Variants in ENGASE observed in about 807,000 individuals in gnomAD.
The protein encoded by ENGASE is endo-beta-N-acetylglucosaminidase, also known as cytosolic endo-beta-N-acetylglucosaminidase.
Under a neutral mutation model 78.5 loss-of-function variants are expected in ENGASE, and 69 were observed. That is an observed-to-expected ratio of 0.88 (90% CI 0.72 to 1.07). ENGASE has a LOEUF of 1.07. Among genes scored for constraint, ENGASE ranks in the 50% least tolerant of loss-of-function variants. ENGASE has a pLI of 0.00. For synonymous variants in ENGASE, 408 were observed against 408.9 expected (o/e 1.00, Z 0.03); for missense variants, 943 against 988.4 (o/e 0.95, Z 0.62).
rs1568096396 is a variant in ENGASE at position 79,086,466 on chromosome 17, CG to C, written c.*121del. 7.6e-7 allele frequency: 1 copy of C among 1,320,628 alleles called. No individual in the cohort carries two copies. Among genetic ancestry groups the C allele is most frequent in the Non-Finnish European group, 1.0e-6 (1 of 991,338 alleles). 81.8% of individuals were successfully genotyped at this position (1,320,628 alleles called of 1,614,324 possible). A position where few individuals can be genotyped will look rare whatever the true frequency, so the allele number is the denominator to read the frequency against. ...CACAGTGGCAGCGAGGTCCCGGTCC[CG>C]GGGCTGGGGTGGGAGACCCCGGGCT... On this transcript the variant is annotated 3_prime_UTR_variant, in exon 14 of 14. Transcript: ENST00000579016.
At position 79,083,968 on chromosome 17, in the gene ENGASE, G is replaced by A; in HGVS notation, c.1442+17G>A. On this transcript the variant is annotated intron_variant, in intron 10 of 13. Transcript: ENST00000579016. This position sits in a 1 kb window ranked among gnomAD's most constrained non-coding sequence, Gnocchi z 4.9. ...GGCTGTGAGGTGGGTGAGTGACGGA[G>A]GACGGTGGGCCCACCAGCTTCTCCC... 1 of 1,605,076 alleles carries A rather than the reference G, an allele frequency of 6.2e-7. No individual in the cohort carries two copies. The highest frequency in any genetic ancestry group is 8.5e-7 in the Non-Finnish European group (1 of 1,177,266).
At chr17:79,075,804 AGGCT>A in intron 1 of ENGASE, 1 of 985,462 alleles carries the variant, frequency 1.0e-6, no homozygotes, top group Non-Finnish European at 1.2e-6. Flanking sequence ...GATGGGATGA[AGGCT>A]GGCTGCTGGG....
In ENGASE at chr17:79,083,079, G is replaced by A. The variant is rs760943455; in HGVS notation, c.1098G>A (p.Val366=). 6 of 1,613,934 alleles carry A rather than the reference G, an allele frequency of 3.7e-6. No individual in the cohort carries two copies. In the African/African-American group the frequency reaches 4.0e-5, roughly 11 times the overall value. ...FSVALFAPGW[V]YECLEKKDFF... ...TGGCTTTGTTTGCCCCCGGCTGGGT[G>A]TATGAGTGTCTGGAGAAGAAGGATT... The change falls in exon 8 of 14, where the codon GTG becomes GTA. Residue 366 remains valine (V), a synonymous_variant. Transcript: ENST00000579016. This position sits in a 1 kb window ranked among gnomAD's most constrained non-coding sequence, Gnocchi z 4.9.
At chr17:79,082,441 C>T (rs1328025623) in intron 7 of ENGASE, 1 of 1,216,864 alleles carries the variant, frequency 8.2e-7, no homozygotes, top group Non-Finnish European at 1.0e-6. Flanking sequence ...CACTGCGGCT[C>T]AGGGGCGAGG....
Position 79,083,952 on chromosome 17 carries a change from G to A in ENGASE, c.1442+1G>A, listed in dbSNP as rs2073219523. The A allele has an allele frequency of 1.2e-6, 2 of 1,609,504 alleles. No homozygotes were observed. Among genetic ancestry groups the A allele is most frequent in the Middle Eastern group, 2.2e-4 (1 of 4,564 alleles). On this transcript the variant is annotated splice_donor_variant, in intron 10 of 13. Coordinates refer to ENST00000579016, the MANE Select transcript of ENGASE (RefSeq NM_001042573.3). LOFTEE classifies it high-confidence loss of function. The surrounding 1 kb of genome is among the most constrained non-coding windows in gnomAD (Gnocchi z 4.9). Reference sequence around the variant, plus strand: ...CGGAGGTTGGAAATGTGGCTGTGAGGTGGGTGAGTGACGGAGGACGGTGGG... The same window carrying A: ...CGGAGGTTGGAAATGTGGCTGTGAGATGGGTGAGTGACGGAGGACGGTGGG...
chr17:79,087,169 A>G lies in ENGASE; in HGVS notation c.*820A>G. 2.4e-6 allele frequency: 1 copy of G among 408,988 alleles called. No individual in the cohort carries two copies. Among genetic ancestry groups the G allele is most frequent in the Non-Finnish European group, 5.0e-6 (1 of 198,844 alleles). 25.3% of individuals were successfully genotyped at this position (408,988 alleles called of 1,614,324 possible). A position where few individuals can be genotyped will look rare whatever the true frequency, so the allele number is the denominator to read the frequency against. ...GTGGGCTCTGGACAAGCCGCCCTTC[A>G]GGCTGGGGTAGCAGGTCAGTCCAGG... On this transcript the variant is annotated 3_prime_UTR_variant, in exon 14 of 14. Coordinates refer to ENST00000579016, the MANE Select transcript of ENGASE (RefSeq NM_001042573.3).
rs770778793 is a variant in ENGASE at position 79,082,003 on chromosome 17, C to T, written c.978C>T (p.Tyr326=). Residue 326 remains tyrosine (Y), a synonymous_variant, in exon 7 of 14, where the codon TAC becomes TAT. Coordinates refer to ENST00000579016, the MANE Select transcript of ENGASE (RefSeq NM_001042573.3). The part of the protein sequence containing the change: ...GQAGERRADV[Y]VGVDVFARGN... ...CTGGGGAGCGCCGGGCTGATGTGTACGTGGGCGTGGATGTGTTTGCTCGAG... is the reference window on the plus strand; with the variant it reads ...CTGGGGAGCGCCGGGCTGATGTGTATGTGGGCGTGGATGTGTTTGCTCGAG... 8 of 1,614,078 alleles carry T rather than the reference C, an allele frequency of 5.0e-6. No homozygotes were observed. The highest frequency in any genetic ancestry group is 4.5e-5 in the East Asian group (2 of 44,890).
chr17:79,087,053 C>G lies in ENGASE; in HGVS notation c.*704C>G. The G allele has an allele frequency of 2.1e-6, 1 of 477,558 alleles. No individual in the cohort carries two copies. Among genetic ancestry groups the G allele is most frequent in the Non-Finnish European group, 4.2e-6 (1 of 238,612 alleles). The allele number at this position is 477,558 out of a possible 1,614,324, so 29.6% of individuals were successfully genotyped here. On this transcript the variant is annotated 3_prime_UTR_variant, in exon 14 of 14. Transcript: ENST00000579016. ...CCGGAGCGTTTTCAGCAGCCCCTGG[C>G]TCTGCGGCGTCTCTTCCGGGCTGTG...
chr17:79,077,100 A>T lies in ENGASE; in HGVS notation c.147-330A>T, dbSNP rs913037622. Among the ~76,000 whole-genome samples, 6 of 152,132 alleles carry T rather than the reference A, an allele frequency of 3.9e-5. No homozygotes were observed. The South Asian group carries it at 1.2e-3, about 31-fold the overall frequency. The stretch of plus-strand genomic sequence containing the variant: ...TGGCCAGGCTGGTCTTTAACTCCTG[A>T]CCTCAGGTGATTCGCCTGCCTTGGC... On this transcript the variant is annotated intron_variant, in intron 1 of 13. Coordinates refer to ENST00000579016, the MANE Select transcript of ENGASE (RefSeq NM_001042573.3).
At chr17:79,080,834 C>A in intron 5 of ENGASE, 91 bp from the exon 6 acceptor site, 4 of 1,492,000 alleles carry the variant, frequency 2.7e-6, no homozygotes, top group Non-Finnish European at 3.6e-6. Flanking sequence ...TCTGTTTGCT[C>A]TGCATCCCCC....
rs143092634 is a variant in ENGASE at position 79,083,106 on chromosome 17, C to T, written c.1125C>T (p.Phe375=). The change falls in exon 8 of 14, where the codon TTC becomes TTT. Residue 375 remains phenylalanine (F), a synonymous_variant. Transcript: ENST00000579016. The surrounding 1 kb of genome is among the most constrained non-coding windows in gnomAD (Gnocchi z 4.9). ...ATGAGTGTCTGGAGAAGAAGGATTT[C>T]TTCCAGAACCAGGACAAGTGAGTCC... The part of the protein sequence containing the change: ...WVYECLEKKD[F]FQNQDKFWGR... 1 of 1,613,534 alleles carries T rather than the reference C, an allele frequency of 6.2e-7. No homozygotes were observed. Among genetic ancestry groups the T allele is most frequent in the Non-Finnish European group, 8.5e-7 (1 of 1,179,634 alleles).
rs560374033 is a variant in ENGASE, at chr17:79,085,270, G to A, written c.1628G>A (p.Arg543Gln). ...TCAAGACACAGCCTCCGACCCCTCC[G>A]GGTGCCCCCCACCAAGCTGGCCAGA... The part of the protein sequence containing the change: ...TSSRHSLRPL[R>Q]VPPTKLARWV... The change falls in exon 12 of 14, where the codon CGG (arginine) becomes CAG (glutamine). Residue 543 changes from arginine to glutamine, a missense_variant. Transcript: ENST00000579016. 5.0e-6 allele frequency: 8 copies of A among 1,613,530 alleles called. No individual in the cohort carries two copies. The highest frequency in any genetic ancestry group is 1.7e-5 in the Admixed American group (1 of 60,016).
intron 10 of ENGASE, chr17:79,084,232 G>GAC: frequency 3.8e-6 from 2 of 524,998 alleles, no homozygotes; most frequent in Non-Finnish European, 6.6e-6. Flanking sequence ...TTGCACATTA[G>GAC]CCCCCCATCC....
chr17:79,080,587 C>T (rs117781867), intron 5 of ENGASE, among the ~76,000 whole-genome samples: 7,948 of 152,326 alleles, frequency 0.052, 258 homozygotes, highest in Middle Eastern at 0.085. Context: ...TGGCCGGCTC[C>T]CACGTTTCCC....
In ENGASE at chr17:79,084,591, A is replaced by G. The variant is rs1346083062; in HGVS notation, c.1496A>G (p.Tyr499Cys). 15 of 1,609,696 alleles carry G rather than the reference A, an allele frequency of 9.3e-6. No individual in the cohort carries two copies. The highest frequency in any genetic ancestry group is 1.3e-5 in the Non-Finnish European group (15 of 1,178,588). ...CCCAAGATTTACCTGTCCATGGTGT[A>G]TAAGCTTGAGGGGCCCACGGACGTC... ...VPPKIYLSMV[Y>C]KLEGPTDVTV... is the part of the protein sequence containing the mutation. Residue 499 changes from tyrosine to cysteine, a missense_variant, in exon 11 of 14, where the codon TAT (tyrosine) becomes TGT (cysteine). Transcript: ENST00000579016.
At chr17:79,082,583 G>A in intron 7 of ENGASE, 1 of 1,250,132 alleles carries the variant, frequency 8.0e-7, no homozygotes, top group African/African-American at 1.5e-5. Flanking sequence ...GATGCGCAGG[G>A]CTCTGCCTGC....
In ENGASE at chr17:79,080,456, G is replaced by A. The variant is rs1465121092; in HGVS notation, c.723+92G>A. 4 of 1,467,182 alleles carry A rather than the reference G, an allele frequency of 2.7e-6. No individual in the cohort carries two copies. In the Admixed American group the frequency reaches 6.1e-5, roughly 22 times the overall value. 90.9% of individuals were successfully genotyped at this position (1,467,182 alleles called of 1,614,324 possible). On this transcript the variant is annotated intron_variant, in intron 5 of 13. Transcript: ENST00000579016. The stretch of plus-strand genomic sequence containing the variant: ...CTGCCTTGGCCTCACCTCGCCCCAC[G>A]CCTGGGCTGCAGGTTGCAGCAGTAA...
Position 79,086,978 on chromosome 17 carries a change from G to A in ENGASE, c.*629G>A, listed in dbSNP as rs775185296. On this transcript the variant is annotated 3_prime_UTR_variant, in exon 14 of 14. Coordinates refer to ENST00000579016, the MANE Select transcript of ENGASE (RefSeq NM_001042573.3). ...CACGTGGGCCAGCCCCAGCTGCTCC[G>A]TGTTTCCTGGCGTTGGCAATTTACT... 3.4e-5 allele frequency: 17 copies of A among 503,946 alleles called. No homozygotes were observed. Among genetic ancestry groups the A allele is most frequent in the African/African-American group, 1.9e-4 (10 of 51,764 alleles). The allele number at this position is 503,946 out of a possible 1,614,324, so 31.2% of individuals were successfully genotyped here. A position where few individuals can be genotyped will look rare whatever the true frequency, so the allele number is the denominator to read the frequency against.
chr17:79,081,756 TGGGG>T, intron 6 of ENGASE, 138 bp from the exon 7 acceptor site: 1 of 671,024 alleles, frequency 1.5e-6, no homozygotes, highest in African/African-American at 6.3e-5. Context: ...CTGTGTGGGG[TGGGG>T]TGGGGTGGGG....
Sources: gnomAD v4.1 joint callset for allele counts (sites outside exome capture counted in the v4.1 genomes callset) on GRCh38, gnomAD v4.1.1 for gene constraint, Gnocchi (gnomAD v3.1) non-coding constraint, MANE v1.5 for transcripts, NCBI Gene and HGNC (gene_info 2026-07-23, HGNC 2026-07-21) for gene names.